RBL1: variants seen among roughly 807,000 people sequenced by gnomAD.
RBL1 encodes the protein retinoblastoma-like protein 1.
A neutral mutation model predicts 123.0 loss-of-function variants in RBL1; 82 were observed. That is an observed-to-expected ratio of 0.67 (90% CI 0.56 to 0.80). RBL1 has a LOEUF of 0.80. Among genes scored for constraint, RBL1 ranks in the 30% least tolerant of loss-of-function variants. The pLI is 0.00. For synonymous variants in RBL1, 405 were observed against 441.3 expected, an observed-to-expected ratio of 0.92 and a Z score of 1.03; for missense variants, 1,171 against 1,299.6, an observed-to-expected ratio of 0.90 and a Z score of 1.52.
chr20:37,059,857 C>CAA (rs752212706), intron 9 of RBL1, among the ~76,000 whole-genome samples: 1 of 145,166 alleles, frequency 6.9e-6, no homozygotes, highest in African/African-American at 2.5e-5. Flanking sequence ...CCTTAAAAAA[C>CAA]AAAAAAAAAA....
chr20:37,095,934 C>T lies in RBL1; in HGVS notation c.-6G>A, dbSNP rs368933473. 571 of 1,550,736 alleles carry T rather than the reference C, an allele frequency of 3.7e-4. 1 individual carries two copies. The highest frequency in any genetic ancestry group is 2.4e-3 in the Middle Eastern group (10 of 4,222). On this transcript the variant is annotated 5_prime_UTR_variant, in exon 1 of 22. Coordinates refer to ENST00000373664, the MANE Select transcript of RBL1 (RefSeq NM_002895.5). ...TGGGGCTTGTCCTCGAACATCCCTT[C>T]AGGCCCCGCGGGCTGCGCGCCACGG...
chr20:37,072,926 T>C (rs1263327442), intron 2 of RBL1, among the ~76,000 whole-genome samples: 1 of 152,190 alleles, frequency 6.6e-6, no homozygotes, highest in Non-Finnish European at 1.5e-5. Flanking sequence ...CCAATACTTC[T>C]TTTAGGTCAG....
intron 19 of RBL1, among the ~76,000 whole-genome samples, chr20:37,017,716 C>T (rs1184837467): frequency 1.3e-5 from 2 of 151,358 alleles, no homozygotes; most frequent in African/African-American, 2.4e-5. Context: ...CTGCAACCTC[C>T]GCCTCCTGGT....
chr20:36,998,732 G>T lies in RBL1; in HGVS notation c.*27C>A. On this transcript the variant is annotated 3_prime_UTR_variant, in exon 22 of 22. Transcript: ENST00000373664. ...ACTTTCTGCAGAACAATCTGAAAGT[G>T]CTTTTATCATAGAAACAAGAACAAC... 6.3e-7 allele frequency: 1 copy of T among 1,580,504 alleles called. No individual in the cohort carries two copies. Among genetic ancestry groups the T allele is most frequent in the Non-Finnish European group, 8.6e-7 (1 of 1,156,394 alleles).
intron 21 of RBL1, among the ~76,000 whole-genome samples, chr20:37,000,487 C>G (rs1330249797): frequency 1.4e-5 from 2 of 143,142 alleles, no homozygotes; most frequent in Non-Finnish European, 3.1e-5. Context: ...CCCCCCCGCC[C>G]GGCCAGCCGC....
chr20:37,037,149 A>C (rs1414951073), intron 14 of RBL1, among the ~76,000 whole-genome samples: 1 of 152,216 alleles, frequency 6.6e-6, no homozygotes, highest in Admixed American at 6.5e-5. Context: ...GTCCATGTGA[A>C]TGCCTTATAT....
chr20:37,056,362 T>TA, intron 9 of RBL1, 104 bp from the exon 10 acceptor site: 1 of 1,320,428 alleles, frequency 7.6e-7, no homozygotes, highest in East Asian at 2.9e-5. Context: ...TTTTTTTTTT[T>TA]TTTTTTTTTT....
intron 16 of RBL1, among the ~76,000 whole-genome samples, chr20:37,029,405 A>G (rs1056337677): frequency 1.3e-5 from 2 of 152,186 alleles, no homozygotes; most frequent in Non-Finnish European, 2.9e-5. Flanking sequence ...GGCTGAAAAA[A>G]ATCTGTATAT....
At chr20:37,016,614 T>C (rs960863524) in intron 19 of RBL1, among the ~76,000 whole-genome samples, 4 of 152,116 alleles carry the variant, frequency 2.6e-5, no homozygotes, top group Non-Finnish European at 5.9e-5. Flanking sequence ...ATGATGCTCA[T>C]CACAGAGCTG....
chr20:37,066,162 G>A (rs894138008), intron 6 of RBL1, among the ~76,000 whole-genome samples: 2 of 152,150 alleles, frequency 1.3e-5, no homozygotes, highest in Admixed American at 6.5e-5. Context: ...ATGGCTCGAC[G>A]TTGGGGAAAT....
intron 13 of RBL1, among the ~76,000 whole-genome samples, chr20:37,041,408 G>A (rs1052677156): frequency 5.3e-5 from 8 of 151,970 alleles, no homozygotes; most frequent in Non-Finnish European, 8.8e-5. Context: ...TGCAACCTCC[G>A]CCTCCTGGGT....
intron 21 of RBL1, among the ~76,000 whole-genome samples, chr20:37,001,918 TAAAA>T (rs757774894): frequency 4.6e-4 from 40 of 86,502 alleles, no homozygotes; most frequent in African/African-American, 1.5e-3. Context: ...TGCAGAACAA[TAAAA>T]AAAAAAAAAA....
At chr20:37,032,428 GGATACA>G (rs2064527726) in intron 16 of RBL1, among the ~76,000 whole-genome samples, 1 of 152,080 alleles carries the variant, frequency 6.6e-6, no homozygotes, top group Admixed American at 6.6e-5. Flanking sequence ...AGGGAGAAAT[GGATACA>G]GAATTTCAGA....
chr20:37,028,094 G>A (rs928123818), intron 16 of RBL1, among the ~76,000 whole-genome samples: 1 of 152,176 alleles, frequency 6.6e-6, no homozygotes, highest in Non-Finnish European at 1.5e-5. Context: ...GCTGGGCATG[G>A]TGGCGCATGC....
rs558046531 is a variant in RBL1 at position 37,062,764 on chromosome 20, G to C, written c.897-494C>G. Among the ~76,000 whole-genome samples the C allele has an allele frequency of 1.1e-4, 17 of 151,752 alleles. No individual in the cohort carries two copies. In the South Asian group the frequency reaches 3.3e-3, roughly 30 times the overall value. Reference sequence around the variant, plus strand: ...AGGTCAGGAGATCAAGACTATCCTGGCTAACACGGTGAAACCCCATCTCTA... The same window carrying C: ...AGGTCAGGAGATCAAGACTATCCTGCCTAACACGGTGAAACCCCATCTCTA... On this transcript the variant is annotated intron_variant, in intron 7 of 21. Transcript: ENST00000373664.
In RBL1 at chr20:37,056,177, T is replaced by C. The variant is rs1427111001; in HGVS notation, c.1332A>G (p.Gln444=). The C allele has an allele frequency of 6.2e-7, 1 of 1,610,680 alleles. No homozygotes were observed. Among genetic ancestry groups the C allele is most frequent in the Admixed American group, 1.7e-5 (1 of 59,848 alleles). ...GAGATCCTGGCTGTTCATCTGTTGA[T>C]TGAGTATAGTGTTGACAGAAAGTCT... ...IGETFCQHYT[Q]STDEQPGSHI... The change falls in exon 10 of 22, where the codon CAA becomes CAG. Residue 444 remains glutamine (Q), a synonymous_variant. Coordinates refer to ENST00000373664, the MANE Select transcript of RBL1 (RefSeq NM_002895.5).
chr20:37,070,976 AC>A (rs2065273779), intron 2 of RBL1, among the ~76,000 whole-genome samples: 1 of 151,930 alleles, frequency 6.6e-6, no homozygotes, highest in African/African-American at 2.4e-5. Flanking sequence ...GCTCACTGCA[AC>A]CTCTGCATCC....
intron 9 of RBL1, among the ~76,000 whole-genome samples, chr20:37,056,777 TAC>T (rs1298707586): frequency 6.6e-6 from 1 of 152,132 alleles, no homozygotes; most frequent in African/African-American, 2.4e-5. Context: ...ATAATAAAAA[TAC>T]AGATTGTATA....
At chr20:37,056,113 A>T in intron 10 of RBL1, 33 bp downstream of exon 10, 1 of 1,581,398 alleles carries the variant, frequency 6.3e-7, no homozygotes, top group South Asian at 1.2e-5. Flanking sequence ...ACTTATTTTC[A>T]ATGCTATGCC....
Sources: gnomAD v4.1 joint callset for allele counts (sites outside exome capture counted in the v4.1 genomes callset) on GRCh38, gnomAD v4.1.1 for gene constraint, MANE v1.5 for transcripts, NCBI Gene and HGNC (gene_info 2026-07-23, HGNC 2026-07-21) for gene names.